PDE3A: variants seen among roughly 807,000 people sequenced by gnomAD.
The protein encoded by PDE3A is phosphodiesterase 3A.
In PDE3A, 43 loss-of-function variants were observed where a neutral mutation model predicts 98.3. The observed-to-expected ratio is 0.44, with a 90% confidence interval of 0.34 to 0.56. The LOEUF is 0.56. PDE3A is among the 20% of genes least tolerant of loss of function. The pLI, the probability that PDE3A is intolerant of heterozygous loss-of-function variation, is 0.01. For missense variants in PDE3A, 1,427 were observed against 1,440.7 expected (o/e 0.99, Z 0.15); for synonymous variants, 663 against 567.9 (o/e 1.17, Z -2.38).
chr12:20,569,994 T>C (rs1280532883), intron 2 of PDE3A, among the ~76,000 whole-genome samples: 1 of 152,120 alleles, frequency 6.6e-6, no homozygotes, highest in African/African-American at 2.4e-5. Flanking sequence ...AGAAGGATAT[T>C]GAAAAGCTGA....
intron 1 of PDE3A, among the ~76,000 whole-genome samples, chr12:20,426,760 G>A (rs11045239): frequency 0.33 from 50,269 of 152,010 alleles, 10,005 homozygotes; most frequent in East Asian, 0.67. Context: ...AAACTAATGG[G>A]TACCAGTGCT....
At chr12:20,481,960 T>G (rs1294164761) in intron 1 of PDE3A, among the ~76,000 whole-genome samples, 1 of 151,700 alleles carries the variant, frequency 6.6e-6, no homozygotes, top group Non-Finnish European at 1.5e-5. Flanking sequence ...GAGACGGGAT[T>G]TCACCGTGTT....
At chr12:20,570,301 G>C (rs928755898) in intron 2 of PDE3A, among the ~76,000 whole-genome samples, 1 of 148,952 alleles carries the variant, frequency 6.7e-6, no homozygotes, top group Non-Finnish European at 1.5e-5. Context: ...CCAGCTACTC[G>C]GAAGGCTGAG....
In PDE3A at chr12:20,431,500, G is replaced by A. The variant is rs1944696023; in HGVS notation, c.960+61256G>A. Among the ~76,000 whole-genome samples, 3 of 152,026 alleles carry A rather than the reference G, an allele frequency of 2.0e-5. No individual in the cohort carries two copies. The South Asian group carries it at 6.2e-4, about 32-fold the overall frequency. On this transcript the variant is annotated intron_variant, in intron 1 of 15. Transcript: ENST00000359062. ...GAGAATGGTCCTTATGTTTAAGATG[G>A]GGGCATTTAAGTTATTGTCAGGATT...
rs1565532446 is a variant in PDE3A, at chr12:20,386,070, A to AAATATATATAAATATAT, written c.960+15828_960+15829insTATATATAAATATATAA. Among the ~76,000 whole-genome samples, 33 of 37,110 alleles carry AAATATATATAAATATAT rather than the reference A, an allele frequency of 8.9e-4. 5 individuals carry two copies. The highest frequency in any genetic ancestry group is 3.0e-3 in the African/African-American group (29 of 9,550). The allele number at this position is 37,110 out of a possible 152,430, so 24.3% of individuals were successfully genotyped here. ...TATATAAATATATATAAATATATAT[A>AAATATATATAAATATAT]AAATATATATAAATATATAAATATA... On this transcript the variant is annotated intron_variant, in intron 1 of 15. Transcript: ENST00000359062.
chr12:20,540,289 A>G (rs997769193), intron 1 of PDE3A, among the ~76,000 whole-genome samples: 22 of 152,176 alleles, frequency 1.4e-4, no homozygotes, highest in African/African-American at 4.3e-4. Flanking sequence ...TCTGGTTCTA[A>G]TGAACGCTGA....
chr12:20,683,120 CA>C lies in PDE3A; in HGVS notation c.*2850del, dbSNP rs1945839973. Reference sequence around the variant, plus strand: ...TTTCTTTAAAAATAAATTGCTATTACAGCTAGACGTCAATTGGGATAAATAA... The same window carrying C: ...TTTCTTTAAAAATAAATTGCTATTACGCTAGACGTCAATTGGGATAAATAA... On this transcript the variant is annotated 3_prime_UTR_variant, in exon 16 of 16. Coordinates refer to ENST00000359062, the MANE Select transcript of PDE3A (RefSeq NM_000921.5). 1 of 152,196 alleles carries C rather than the reference CA, an allele frequency of 6.6e-6. No homozygotes were observed. 9.4% of individuals were successfully genotyped at this position (152,196 alleles called of 1,614,324 possible).
At chr12:20,551,878 C>A in intron 1 of PDE3A, 1 of 1,613,648 alleles carries the variant, frequency 6.2e-7, no homozygotes, top group Admixed American at 1.7e-5. Context: ...CCCGTCCAAC[C>A]ACTACGGACC....
intron 1 of PDE3A, among the ~76,000 whole-genome samples, chr12:20,479,054 T>G (rs1032539355): frequency 3.3e-5 from 5 of 152,166 alleles, no homozygotes; most frequent in Non-Finnish European, 7.4e-5. Context: ...TTATCTCTAC[T>G]TTTGCTTAGA....
rs765702703 is a variant in PDE3A at position 20,607,436 on chromosome 12, C to CAA, written c.1012-5993_1012-5992dup. On this transcript the variant is annotated intron_variant, in intron 2 of 15. Coordinates refer to ENST00000359062, the MANE Select transcript of PDE3A (RefSeq NM_000921.5). ...TGGGTGACAGAGTGAGACTCCGTCTCAAAAAAAAAAAAAAAGAAAAAAGAA... is the reference window on the plus strand; with the variant it reads ...TGGGTGACAGAGTGAGACTCCGTCTCAAAAAAAAAAAAAAAAAGAAAAAAGAA... 1.7e-3 allele frequency among the ~76,000 whole-genome samples: 102 copies of CAA among 61,412 alleles called. 1 individual carries two copies. Among genetic ancestry groups the CAA allele is most frequent in the Admixed American group, 3.8e-3 (22 of 5,728 alleles). The allele number at this position is 61,412 out of a possible 152,430, so 40.3% of individuals were successfully genotyped here.
intron 12 of PDE3A, 48 bp downstream of exon 12, chr12:20,646,998 A>G (rs763228798): frequency 7.5e-7 from 1 of 1,328,368 alleles, no homozygotes; most frequent in South Asian, 1.2e-5. Context: ...AGATTTCTCA[A>G]GAAAGTGAAG....
intron 10 of PDE3A, among the ~76,000 whole-genome samples, chr12:20,643,265 C>T (rs1944688338): frequency 1.3e-5 from 2 of 152,132 alleles, no homozygotes; most frequent in Admixed American, 1.3e-4. Context: ...CATTTCTTAT[C>T]CTTCTCAGTT....
intron 1 of PDE3A, among the ~76,000 whole-genome samples, chr12:20,480,225 A>T (rs1472009434): frequency 6.6e-6 from 1 of 152,194 alleles, no homozygotes; most frequent in Non-Finnish European, 1.5e-5. Flanking sequence ...GGGATTTGGC[A>T]GTTAGTGTCA....
At chr12:20,638,782 T>A (rs1944577891) in intron 9 of PDE3A, among the ~76,000 whole-genome samples, 1 of 152,134 alleles carries the variant, frequency 6.6e-6, no homozygotes, top group Admixed American at 6.6e-5. Flanking sequence ...GAGAGACACA[T>A]CTCATCTCAT....
At chr12:20,609,957 TG>T (rs1449137270) in intron 2 of PDE3A, among the ~76,000 whole-genome samples, 1 of 151,530 alleles carries the variant, frequency 6.6e-6, no homozygotes, top group Non-Finnish European at 1.5e-5. Flanking sequence ...GAAGAGAACA[TG>T]GGGGAAAGCT....
chr12:20,370,411 T>G lies in PDE3A; in HGVS notation c.960+167T>G, dbSNP rs144874409. 0.097 allele frequency: 40,979 copies of G among 420,636 alleles called. 1,183 individuals are homozygous for G. The highest frequency in any genetic ancestry group is 0.11 in the Middle Eastern group (179 of 1,588). The allele number at this position is 420,636 out of a possible 1,614,324, so 26.1% of individuals were successfully genotyped here. A position where few individuals can be genotyped will look rare whatever the true frequency, so the allele number is the denominator to read the frequency against. On this transcript the variant is annotated intron_variant, in intron 1 of 15. Transcript: ENST00000359062. ...CAGGTTTTTTTTTTGTTTTTTTTGT[T>G]TTTTTTTTTTTGTTTTTTTGCCCTC...
chr12:20,374,538 A>G (rs1943536693), intron 1 of PDE3A, among the ~76,000 whole-genome samples: 1 of 152,020 alleles, frequency 6.6e-6, no homozygotes, highest in African/African-American at 2.4e-5. Flanking sequence ...CACTGGCATG[A>G]AAAAACATTC....
At chr12:20,375,018 T>C (rs1158855602) in intron 1 of PDE3A, among the ~76,000 whole-genome samples, 2 of 151,994 alleles carry the variant, frequency 1.3e-5, no homozygotes, top group African/African-American at 4.8e-5. Flanking sequence ...AGGTTTATGG[T>C]GAATTGTTTA....
intron 1 of PDE3A, among the ~76,000 whole-genome samples, chr12:20,454,764 A>G (rs1305054512): frequency 6.6e-6 from 1 of 152,120 alleles, no homozygotes; most frequent in East Asian, 1.9e-4. Flanking sequence ...GCTAAGGATA[A>G]TGGCCAGCTC....
Sources: gnomAD v4.1 joint callset for allele counts (sites outside exome capture counted in the v4.1 genomes callset) on GRCh38, gnomAD v4.1.1 for gene constraint, MANE v1.5 for transcripts, NCBI Gene and HGNC (gene_info 2026-07-23, HGNC 2026-07-21) for gene names.